The following ZFPM2 variants were observed in gnomAD, a reference collection of about 807,000 sequenced individuals.
The protein encoded by ZFPM2 is zinc finger protein, FOG family member 2.
A neutral mutation model predicts 98.6 loss-of-function variants in ZFPM2; 20 were observed. That is an observed-to-expected ratio of 0.20 (90% CI 0.14 to 0.29). The LOEUF (loss-of-function observed/expected upper bound fraction) is 0.29. Ranked by LOEUF, ZFPM2 falls within the 10% of genes least tolerant of loss-of-function variation. ZFPM2 has a pLI of 1.00. For synonymous variants in ZFPM2, 518 were observed against 502.7 expected (o/e 1.03, Z -0.41); for missense variants, 1,310 against 1,388.6 (o/e 0.94, Z 0.90).
chr8:105,421,204 T>G (rs1811785425), intron 2 of ZFPM2, among the ~76,000 whole-genome samples: 2 of 152,092 alleles, frequency 1.3e-5, no homozygotes, highest in African/African-American at 4.8e-5. Context: ...AACATTAAAT[T>G]ACAATTGTTC....
intron 4 of ZFPM2, among the ~76,000 whole-genome samples, chr8:105,628,376 C>T (rs1816697135): frequency 6.6e-6 from 1 of 152,104 alleles, no homozygotes; most frequent in African/African-American, 2.4e-5. Context: ...AGCAAGAACA[C>T]AGTATCTCTA....
At chr8:105,561,189 G>T (rs1217928944) in intron 3 of ZFPM2, among the ~76,000 whole-genome samples, 174 bp from the exon 4 acceptor site, 1 of 152,136 alleles carries the variant, frequency 6.6e-6, no homozygotes, top group Non-Finnish European at 1.5e-5. Flanking sequence ...AATTTATAAG[G>T]ACAAGTTTTA....
intron 1 of ZFPM2, among the ~76,000 whole-genome samples, chr8:105,414,051 T>A (rs1811631516): frequency 6.6e-6 from 1 of 151,928 alleles, no homozygotes; most frequent in African/African-American, 2.4e-5. Context: ...TCTGAAACAA[T>A]CTCATTTTGC....
intron 3 of ZFPM2, among the ~76,000 whole-genome samples, chr8:105,504,881 T>TG (rs946956006): frequency 5.3e-5 from 8 of 152,168 alleles, no homozygotes; most frequent in Admixed American, 5.2e-4. Context: ...TAAATTATTG[T>TG]GGGAATAGTA....
chr8:105,534,350 T>C (rs1247464242), intron 3 of ZFPM2, among the ~76,000 whole-genome samples: 1 of 128,784 alleles, frequency 7.8e-6, no homozygotes, highest in Non-Finnish European at 1.6e-5. Flanking sequence ...CACTCTCTCA[T>C]CCCTTCCTTC....
intron 4 of ZFPM2, among the ~76,000 whole-genome samples, chr8:105,617,786 T>C (rs1046654839): frequency 7.2e-5 from 11 of 152,226 alleles, no homozygotes; most frequent in Non-Finnish European, 1.0e-4. Context: ...ATTCTACTTA[T>C]GATTGGAAAC....
chr8:105,621,402 C>T (rs1224351397), intron 4 of ZFPM2, among the ~76,000 whole-genome samples: 1 of 152,094 alleles, frequency 6.6e-6, no homozygotes, highest in Non-Finnish European at 1.5e-5. Flanking sequence ...GCTGAAGTTG[C>T]CTATCAGCTT....
At chr8:105,598,298 G>A (rs759332053) in intron 4 of ZFPM2, among the ~76,000 whole-genome samples, 13 of 152,082 alleles carry the variant, frequency 8.5e-5, no homozygotes, top group Non-Finnish European at 1.5e-4. Flanking sequence ...TGTAAATAAA[G>A]AAGAAGGTGA....
At chr8:105,508,126 C>G (rs185659331) in intron 3 of ZFPM2, among the ~76,000 whole-genome samples, 2 of 152,226 alleles carry the variant, frequency 1.3e-5, no homozygotes, top group African/African-American at 2.4e-5. Flanking sequence ...AACGATTAAT[C>G]ACGTAACATT....
intron 2 of ZFPM2, among the ~76,000 whole-genome samples, chr8:105,424,773 C>T (rs1811872951): frequency 6.6e-6 from 1 of 152,188 alleles, no homozygotes; most frequent in African/African-American, 2.4e-5. Context: ...TATTAAGCAT[C>T]TGCTTTTTGC....
Position 105,788,973 on chromosome 8 carries a change from A to G in ZFPM2, c.739+49A>G, listed in dbSNP as rs1217333190. 5 of 1,455,826 alleles carry G rather than the reference A, an allele frequency of 3.4e-6. No homozygotes were observed. In the Admixed American group the frequency reaches 6.2e-5, roughly 18 times the overall value. 90.2% of individuals were successfully genotyped at this position (1,455,826 alleles called of 1,614,324 possible). A position where few individuals can be genotyped will look rare whatever the true frequency, so the allele number is the denominator to read the frequency against. On this transcript the variant is annotated intron_variant, in intron 6 of 7. Transcript: ENST00000407775. The stretch of plus-strand genomic sequence containing the variant: ...CCAGCTTTAGAGGTGATGGGAATTT[A>G]TGGGAGAAAAAAATGTCTACTGACA...
intron 5 of ZFPM2, among the ~76,000 whole-genome samples, chr8:105,696,478 A>T (rs1326438687): frequency 6.6e-6 from 1 of 152,140 alleles, no homozygotes; most frequent in Non-Finnish European, 1.5e-5. Context: ...AGAGAGCTTT[A>T]TTTCTGAGCA....
chr8:105,500,736 TA>T (rs761718427), intron 3 of ZFPM2, among the ~76,000 whole-genome samples: 1 of 152,118 alleles, frequency 6.6e-6, no homozygotes, highest in Non-Finnish European at 1.5e-5. Flanking sequence ...TTTTTTGTCT[TA>T]AAAAAACCCA....
At chr8:105,798,635 T>C (rs1813903559) in intron 6 of ZFPM2, 89 bp from the exon 7 acceptor site, 15 of 1,130,756 alleles carry the variant, frequency 1.3e-5, no homozygotes, top group Middle Eastern at 2.9e-4. Flanking sequence ...GAGAGCGGAG[T>C]CTGAGAAAAA....
chr8:105,567,105 A>T (rs1347821975), intron 4 of ZFPM2, among the ~76,000 whole-genome samples: 1 of 152,182 alleles, frequency 6.6e-6, no homozygotes, highest in East Asian at 1.9e-4. Flanking sequence ...GCCTCCATTT[A>T]TCCCTTTGCA....
At chr8:105,696,627 T>G (rs1435053981) in intron 5 of ZFPM2, among the ~76,000 whole-genome samples, 2 of 152,202 alleles carry the variant, frequency 1.3e-5, no homozygotes, top group Non-Finnish European at 2.9e-5. Context: ...GCTGCCTCCC[T>G]TTTTTAAGAG....
At chr8:105,438,779 A>G (rs1812176183) in intron 2 of ZFPM2, among the ~76,000 whole-genome samples, 1 of 152,166 alleles carries the variant, frequency 6.6e-6, no homozygotes, top group African/African-American at 2.4e-5. Flanking sequence ...CCCCCCACTG[A>G]AATACCTCCA....
chr8:105,423,026 A>G (rs991606506), intron 2 of ZFPM2, among the ~76,000 whole-genome samples: 1 of 150,518 alleles, frequency 6.6e-6, no homozygotes. Flanking sequence ...TTCCACACTG[A>G]TATTATCTAT....
intron 5 of ZFPM2, among the ~76,000 whole-genome samples, chr8:105,649,972 T>G (rs1177248232): frequency 1.3e-5 from 2 of 152,168 alleles, no homozygotes; most frequent in South Asian, 2.1e-4. Context: ...GCTCCTCCTT[T>G]TACCTCTGGT....
Sources: gnomAD v4.1 joint callset for allele counts (sites outside exome capture counted in the v4.1 genomes callset) on GRCh38, gnomAD v4.1.1 for gene constraint, MANE v1.5 for transcripts, NCBI Gene and HGNC (gene_info 2026-07-23, HGNC 2026-07-21) for gene names.